CD33: variants seen among roughly 807,000 people sequenced by gnomAD.
The protein encoded by CD33 is CD33 molecule, also known as myeloid cell surface antigen CD33.
In CD33, 25 loss-of-function variants were observed where a neutral mutation model predicts 31.4. The observed-to-expected ratio is 0.80, with a 90% CI of 0.58 to 1.11. The LOEUF is 1.11. Among genes scored for constraint, CD33 ranks in the 50% most tolerant of loss-of-function variants. The pLI is 0.00. For synonymous variants in CD33, 176 were observed against 180.6 expected (o/e 0.97, Z 0.20); for missense variants, 407 against 448.1 (o/e 0.91, Z 0.83).
At chr19:51,220,218 T>C (rs1248292634), upstream of CD33, among the ~76,000 whole-genome samples, 1 of 152,224 alleles carries the variant, frequency 6.6e-6, no homozygotes, top group Non-Finnish European at 1.5e-5. Context: ...TTTCTATTTC[T>C]TCCTGATTCA....
the CD33 span, among the ~76,000 whole-genome samples, chr19:51,217,885 A>G: frequency 6.6e-6 from 1 of 152,184 alleles, no homozygotes. Flanking sequence ...ATTCTTTTTC[A>G]TGGCTGGGTA....
the CD33 span, among the ~76,000 whole-genome samples, chr19:51,217,419 T>G: frequency 1.6e-4 from 24 of 152,062 alleles, no homozygotes; most frequent in Non-Finnish European, 2.6e-4. Flanking sequence ...GTTTTGTTTT[T>G]TTTTTTTCTT....
At chr19:51,211,805 G>A in the CD33 span, 1 of 885,048 alleles carries the variant, frequency 1.1e-6, no homozygotes, top group Non-Finnish European at 1.9e-6. Flanking sequence ...TGACCCACAG[G>A]CCCAGCATCT....
At chr19:51,211,123 A>ACTGCTGCCC in the CD33 span, 2 of 1,594,210 alleles carry the variant, frequency 1.3e-6, no homozygotes, top group Admixed American at 1.7e-5. Flanking sequence ...CACTGCTGCT[A>ACTGCTGCCC]CTGCTGCCCC....
At chr19:51,235,511 G>C in intron 5 of CD33, 84 bp from the exon 6 acceptor site, 1 of 1,503,426 alleles carries the variant, frequency 6.7e-7, no homozygotes. Flanking sequence ...CCCTTTACCT[G>C]CCAAAGTCCC....
chr19:51,218,855 G>T, the CD33 span, among the ~76,000 whole-genome samples: 1 of 151,996 alleles, frequency 6.6e-6, no homozygotes, highest in Non-Finnish European at 1.5e-5. Flanking sequence ...TTTATTTCTG[G>T]GTTCTCTATT....
At chr19:51,236,893 C>T (rs1468441291) in intron 6 of CD33, 1 of 152,336 alleles carries the variant, frequency 6.6e-6, no homozygotes, top group Non-Finnish European at 1.5e-5. Context: ...AGCATCACCT[C>T]CCTAAAAGGT....
At position 51,239,631 on chromosome 19, in the gene CD33, T is replaced by C. The variant is rs775268052; in HGVS notation, c.1038T>C (p.His346=). 2 of 1,613,778 alleles carry C rather than the reference T, an allele frequency of 1.2e-6. No homozygotes were observed. Among genetic ancestry groups the C allele is most frequent in the South Asian group, 2.2e-5 (2 of 90,976 alleles). ...TGCATTATGCTTCCCTCAACTTTCA[T>C]GGGATGAATCCTTCCAAGGACACCT... ...EELHYASLNF[H]GMNPSKDTST... is the part of the protein sequence containing the mutation. Residue 346 remains histidine, a synonymous_variant, in exon 7 of 7, where the codon CAT becomes CAC. Coordinates refer to ENST00000262262, the MANE Select transcript of CD33 (RefSeq NM_001772.4).
At chr19:51,235,511 G>A in intron 5 of CD33, 84 bp from the exon 6 acceptor site, 1 of 1,503,424 alleles carries the variant, frequency 6.7e-7, no homozygotes, top group Admixed American at 2.3e-5. Flanking sequence ...CCCTTTACCT[G>A]CCAAAGTCCC....
the CD33 span, among the ~76,000 whole-genome samples, chr19:51,217,404 T>C: frequency 1.3e-5 from 2 of 151,932 alleles, no homozygotes; most frequent in African/African-American, 2.4e-5. Context: ...TTTGTTGTTG[T>C]TGTTGTTTTG....
At chr19:51,216,741 A>C in the CD33 span, among the ~76,000 whole-genome samples, 2 of 152,188 alleles carry the variant, frequency 1.3e-5, no homozygotes, top group African/African-American at 4.8e-5. Context: ...GTATTTAACT[A>C]TATAGGATGG....
chr19:51,229,455 G>A (rs1029702213), intron 4 of CD33, among the ~76,000 whole-genome samples: 3 of 152,082 alleles, frequency 2.0e-5, no homozygotes, highest in Non-Finnish European at 4.4e-5. Flanking sequence ...GGAATAGTTT[G>A]AGAAGAGTTG....
At chr19:51,235,565 A>G (rs961262085) in intron 5 of CD33, 30 bp from the exon 6 acceptor site, 2 of 1,601,588 alleles carry the variant, frequency 1.2e-6, no homozygotes, top group African/African-American at 2.7e-5. Flanking sequence ...TGAGAAAACC[A>G]GGCTCAAAGA....
the CD33 span, among the ~76,000 whole-genome samples, chr19:51,212,525 A>T: frequency 3.2e-5 from 4 of 123,992 alleles, no homozygotes; most frequent in East Asian, 9.1e-4. Flanking sequence ...ACCTGTCCCC[A>T]TCGCCCCCTC....
At chr19:51,230,238 C>CA (rs56151115) in intron 4 of CD33, among the ~76,000 whole-genome samples, 151,820 of 152,244 alleles carry the variant, frequency 1, 75,698 homozygotes, top group Middle Eastern at 1. Context: ...ATACTTGATA[C>CA]ATTTTGGTTT....
At chr19:51,233,288 C>T (rs1159212832) in intron 4 of CD33, among the ~76,000 whole-genome samples, 1 of 152,212 alleles carries the variant, frequency 6.6e-6, no homozygotes, top group Non-Finnish European at 1.5e-5. Flanking sequence ...TGAGCATGCA[C>T]AGTAGTTTGG....
At chr19:51,235,697 G>C in intron 6 of CD33, 21 bp downstream of exon 6, 1 of 1,599,376 alleles carries the variant, frequency 6.3e-7, no homozygotes, top group Non-Finnish European at 8.5e-7. Flanking sequence ...GGGCATCCTG[G>C]CATCCAGTCT....
chr19:51,212,509 C>A, the CD33 span, among the ~76,000 whole-genome samples: 1 of 151,926 alleles, frequency 6.6e-6, no homozygotes, highest in Non-Finnish European at 1.5e-5. Context: ...CCATGGCCAT[C>A]TGAACACCTG....
chr19:51,235,452 G>A, intron 5 of CD33, 143 bp from the exon 6 acceptor site: 1 of 1,420,744 alleles, frequency 7.0e-7, no homozygotes, highest in Non-Finnish European at 9.4e-7. Context: ...GGGAGGTAGA[G>A]GGAGACCTTG....
Sources: allele counts gnomAD v4.1 joint callset (sites outside exome capture counted in the v4.1 genomes callset), GRCh38; gene constraint gnomAD v4.1.1; transcripts MANE v1.5; gene names NCBI Gene and HGNC (gene_info 2026-07-23, HGNC 2026-07-21).